The following RBM34 variants were observed in gnomAD, a reference collection of about 807,000 sequenced individuals.
RBM34 encodes RNA-binding protein 34.
A neutral mutation model predicts 44.6 loss-of-function variants in RBM34; 39 were observed. The observed-to-expected ratio is 0.87, with a 90% confidence interval of 0.68 to 1.14. RBM34 has a LOEUF of 1.14. RBM34 is among the 50% of genes most tolerant of loss of function. The probability of loss-of-function intolerance (pLI) is 0.00; values close to 1 mark genes in which losing one functional copy is unlikely to be tolerated. For synonymous variants in RBM34, 194 were observed against 184.0 expected, an observed-to-expected ratio of 1.05 and a Z score of -0.44; for missense variants, 572 against 517.9, an observed-to-expected ratio of 1.10 and a Z score of -1.01.
rs1024201535 is a variant in RBM34, at chr1:235,156,418, C to G, written c.366-1306G>C. Reference sequence around the variant, plus strand: ...AGCTCTTGGAGATTTAGTTTACACTCTATCAATGCCTGATTTCATTTTCTA... The same window carrying G: ...AGCTCTTGGAGATTTAGTTTACACTGTATCAATGCCTGATTTCATTTTCTA... On this transcript the variant is annotated intron_variant, in intron 3 of 10. Coordinates refer to ENST00000408888, the MANE Select transcript of RBM34 (RefSeq NM_015014.4). Among the ~76,000 whole-genome samples, 18 of 152,168 alleles carry G rather than the reference C, an allele frequency of 1.2e-4. 1 individual carries two copies. The highest frequency in any genetic ancestry group is 4.3e-4 in the African/African-American group (18 of 41,434).
In RBM34 at chr1:235,152,706, C is replaced by T. The variant is rs750681569; in HGVS notation, c.657G>A (p.Leu219=). 1.1e-5 allele frequency: 17 copies of T among 1,598,280 alleles called. No individual in the cohort carries two copies. The highest frequency in any genetic ancestry group is 1.4e-5 in the Non-Finnish European group (17 of 1,172,530). Residue 219 remains leucine, a splice_region_variant and synonymous_variant, in exon 5 of 11, where the codon CTG becomes CTA. Transcript: ENST00000408888. ...GQIESVRFRS[L]IPAEGTLSKK... ...AATTTTACGGGGGAATGAAACATAC[C>T]AGAGAACGAAATCGTACAGATTCTA...
Position 235,160,560 on chromosome 1 carries a change from C to T in RBM34, c.316G>A (p.Val106Met), listed in dbSNP as rs1349563384. The part of the protein sequence containing the change: ...RPLSQEPAKK[V>M]KAKKKHTNAE... ...TTAGTGTGTTTCTTCTTCGCTTTCA[C>T]TTTTTTGGCAGGTTCTTGCGAAAGT... Residue 106 changes from valine (V) to methionine (M), a missense_variant, in exon 3 of 11, where the codon GTG (valine) becomes ATG (methionine). By Grantham distance (21) the Val-to-Met change is conservative. Transcript: ENST00000408888. The T allele has an allele frequency of 6.2e-7, 1 of 1,614,044 alleles. No homozygotes were observed. The highest frequency in any genetic ancestry group is 1.1e-5 in the South Asian group (1 of 91,034).
At chr1:235,143,493 T>C (rs915779728) in intron 6 of RBM34, among the ~76,000 whole-genome samples, 2 of 152,254 alleles carry the variant, frequency 1.3e-5, no homozygotes, top group African/African-American at 2.4e-5. Flanking sequence ...CCCAGCACTT[T>C]GGCAGTCTGA....
Position 235,161,222 on chromosome 1 carries a change from G to A in RBM34, c.5C>T (p.Ala2Val), listed in dbSNP as rs774293792. The A allele has an allele frequency of 3.1e-5, 50 of 1,613,070 alleles. No individual in the cohort carries two copies. Among genetic ancestry groups the A allele is most frequent in the Admixed American group, 6.7e-5 (4 of 59,818 alleles). The change falls in exon 1 of 11, where the codon GCC becomes GTC. Residue 2 changes from alanine to valine, a missense_variant. Physicochemically the swap from Ala to Val is moderately conservative, Grantham distance 64. Coordinates refer to ENST00000408888, the MANE Select transcript of RBM34 (RefSeq NM_015014.4). Reference protein sequence around the residue: MALEGMSKRKRK... With the variant: MVLEGMSKRKRK... Reference sequence around the variant, plus strand: ...CTTCCGTTTGCTCATCCCTTCCAAGGCCATTCTTACTCCAAAGACTCCCAG... The same window carrying A: ...CTTCCGTTTGCTCATCCCTTCCAAGACCATTCTTACTCCAAAGACTCCCAG...
chr1:235,160,049 T>C (rs999041790), intron 3 of RBM34: 2 of 260,512 alleles, frequency 7.7e-6, no homozygotes, highest in South Asian at 4.2e-5. Flanking sequence ...AGGTCAGGAG[T>C]TCCAGACCTG....
chr1:235,159,566 T>A (rs1339116453), intron 3 of RBM34, among the ~76,000 whole-genome samples: 5 of 149,446 alleles, frequency 3.3e-5, no homozygotes, highest in African/African-American at 4.9e-5. Flanking sequence ...AAAAAAAAAT[T>A]TTTTTTTTAA....
In RBM34 at chr1:235,161,037, A is replaced by T. The variant is rs750569191; in HGVS notation, c.84T>A (p.Ser28Arg). Reference protein sequence around the residue: ...GENPDDGVRGSPPEDYRLGQV... With the variant: ...GENPDDGVRGRPPEDYRLGQV... ...GTCCAAGCCTGTAGTCTTCCGGCGG[A>T]CTCCCGCGAACGCCGTCGTCAGGAT... The change falls in exon 2 of 11, where the codon AGT becomes AGA. Residue 28 changes from serine (S) to arginine (R), a missense_variant. Transcript: ENST00000408888. 6.2e-7 allele frequency: 1 copy of T among 1,613,474 alleles called. No individual in the cohort carries two copies. Among genetic ancestry groups the T allele is most frequent in the Non-Finnish European group, 8.5e-7 (1 of 1,179,754 alleles).
At chr1:235,148,580 G>C in intron 5 of RBM34, 133 bp from the exon 6 acceptor site, 48 of 533,024 alleles carry the variant, frequency 9.0e-5, no homozygotes, top group Non-Finnish European at 1.1e-4. Context: ...AAACAAATCA[G>C]AAACAACTGT....
chr1:235,158,837 G>A (rs916805617), intron 3 of RBM34, among the ~76,000 whole-genome samples: 1 of 152,086 alleles, frequency 6.6e-6, no homozygotes, highest in Non-Finnish European at 1.5e-5. Context: ...CGTTATGCTG[G>A]CCGGGCATGG....
At chr1:235,152,409 T>C (rs1323092990) in intron 5 of RBM34, 29 of 928,240 alleles carry the variant, frequency 3.1e-5, no homozygotes, top group Non-Finnish European at 3.9e-5. Flanking sequence ...TGATAATCAG[T>C]ATTAACTTTT....
Position 235,152,707 on chromosome 1 carries a change from A to G in RBM34, c.656T>C (p.Leu219Pro). Reference sequence around the variant, plus strand: ...ATTTTACGGGGGAATGAAACATACCAGAGAACGAAATCGTACAGATTCTAT... The same window carrying G: ...ATTTTACGGGGGAATGAAACATACCGGAGAACGAAATCGTACAGATTCTAT... ...GQIESVRFRS[L>P]IPAEGTLSKK... Residue 219 changes from leucine to proline, a missense_variant and splice_region_variant, in exon 5 of 11, where the codon CTG becomes CCG. By Grantham distance (98) the Leu-to-Pro change is moderately conservative (BLOSUM62 -3). Coordinates refer to ENST00000408888, the MANE Select transcript of RBM34 (RefSeq NM_015014.4). 1 of 1,601,112 alleles carries G rather than the reference A, an allele frequency of 6.2e-7. No homozygotes were observed. The highest frequency in any genetic ancestry group is 8.5e-7 in the Non-Finnish European group (1 of 1,173,786).
At chr1:235,140,904 T>C (rs1661656394) in intron 6 of RBM34, among the ~76,000 whole-genome samples, 1 of 152,134 alleles carries the variant, frequency 6.6e-6, no homozygotes, top group African/African-American at 2.4e-5. Context: ...GGAGAACTTT[T>C]ATGTCTAGCT....
At chr1:235,144,870 C>T (rs993392671) in intron 6 of RBM34, among the ~76,000 whole-genome samples, 1 of 152,132 alleles carries the variant, frequency 6.6e-6, no homozygotes, top group African/African-American at 2.4e-5. Flanking sequence ...CATGGGGAAA[C>T]CCCGTCTCTA....
chr1:235,155,245 C>A, intron 3 of RBM34, 133 bp from the exon 4 acceptor site: 1 of 732,824 alleles, frequency 1.4e-6, no homozygotes, highest in Non-Finnish European at 2.3e-6. Context: ...ATTTACTACT[C>A]ACAAATATAT....
intron 5 of RBM34, among the ~76,000 whole-genome samples, chr1:235,152,127 CTAT>C (rs1662188390): frequency 6.6e-6 from 1 of 151,910 alleles, no homozygotes; most frequent in South Asian, 2.1e-4. Context: ...CGTCAACTAA[CTAT>C]GCCTATGCAG....
intron 5 of RBM34, among the ~76,000 whole-genome samples, chr1:235,152,106 A>G (rs886997215): frequency 6.6e-6 from 1 of 152,208 alleles, no homozygotes; most frequent in Non-Finnish European, 1.5e-5. Context: ...CCAAAAATGT[A>G]CACTATGGTA....
intron 3 of RBM34, among the ~76,000 whole-genome samples, chr1:235,155,448 C>T (rs1210314411): frequency 6.7e-6 from 1 of 149,928 alleles, no homozygotes; most frequent in East Asian, 2.0e-4. Flanking sequence ...CTCAGGCAAT[C>T]CTCCCACCTC....
chr1:235,161,028 T>C lies in RBM34; in HGVS notation c.93A>G (p.Glu31=), dbSNP rs1662695604. ...PDDGVRGSPP[E]DYRLGQVASS... ...TGGCGACCTGTCCAAGCCTGTAGTC[T>C]TCCGGCGGACTCCCGCGAACGCCGT... The change falls in exon 2 of 11, where the codon GAA becomes GAG. Residue 31 remains glutamate (E), a synonymous_variant. Transcript: ENST00000408888. 1.6e-5 allele frequency: 26 copies of C among 1,614,034 alleles called. No homozygotes were observed. Among genetic ancestry groups the C allele is most frequent in the Non-Finnish European group, 2.2e-5 (26 of 1,179,924 alleles).
chr1:235,140,384 G>GGCCGGCCCTGCAGGCCCT (rs1190703640), intron 6 of RBM34, among the ~76,000 whole-genome samples: 1 of 152,074 alleles, frequency 6.6e-6, no homozygotes, highest in African/African-American at 2.4e-5. Flanking sequence ...CGGAGCAGCC[G>GGCCGGCCCTGCAGGCCCT]GCCGGCCCTG....
Sources: allele counts gnomAD v4.1 joint callset (sites outside exome capture counted in the v4.1 genomes callset), GRCh38; gene constraint gnomAD v4.1.1; transcripts MANE v1.5; gene names NCBI Gene and HGNC (gene_info 2026-07-23, HGNC 2026-07-21).